Variants in GNB4 observed in about 807,000 individuals in gnomAD.
GNB4 encodes the protein guanine nucleotide-binding protein subunit beta-4.
GNB4 carries 28 observed loss-of-function variants against 45.2 expected under a neutral mutation model. That is an observed-to-expected ratio of 0.62 (90% CI 0.46 to 0.85). The LOEUF (loss-of-function observed/expected upper bound fraction) is 0.85, where lower values mean the gene tolerates loss of function less well. Among genes scored for constraint, GNB4 ranks in the 40% least tolerant of loss-of-function variants. The pLI is 0.00. For missense variants in GNB4, 321 were observed against 425.4 expected, an observed-to-expected ratio of 0.75 and a Z score of 2.16; for synonymous variants, 132 against 143.7, an observed-to-expected ratio of 0.92 and a Z score of 0.58.
chr3:179,402,567 GT>G (rs1160565150), intron 9 of GNB4, among the ~76,000 whole-genome samples: 1 of 152,182 alleles, frequency 6.6e-6, no homozygotes, highest in East Asian at 1.9e-4. Flanking sequence ...CATAGCGGGG[GT>G]TAAAAGGGTA....
the GNB4 span, among the ~76,000 whole-genome samples, chr3:179,522,058 T>A: frequency 1.3e-5 from 2 of 152,178 alleles, no homozygotes; most frequent in Non-Finnish European, 2.9e-5. Context: ...CTTATTTTTC[T>A]TATTAATATA....
chr3:179,403,936 A>C (rs1001021227), intron 9 of GNB4, among the ~76,000 whole-genome samples: 2 of 152,302 alleles, frequency 1.3e-5, no homozygotes, highest in Non-Finnish European at 2.9e-5. Context: ...ATAATAGAGA[A>C]GAAATAAAAT....
intron 1 of GNB4, among the ~76,000 whole-genome samples, chr3:179,427,413 T>C (rs995612886): frequency 3.3e-5 from 5 of 151,998 alleles, no homozygotes; most frequent in Non-Finnish European, 5.9e-5. Flanking sequence ...AAGACCAGCC[T>C]GGGCAACATG....
intron 1 of GNB4, among the ~76,000 whole-genome samples, chr3:179,439,868 T>C (rs1012894283): frequency 2.0e-5 from 3 of 152,252 alleles, no homozygotes; most frequent in African/African-American, 4.8e-5. Flanking sequence ...ATCCTTAACT[T>C]TGGCAAATAA....
intron 1 of GNB4, among the ~76,000 whole-genome samples, chr3:179,430,750 C>A (rs929481078): frequency 6.6e-6 from 1 of 151,886 alleles, no homozygotes; most frequent in Non-Finnish European, 1.5e-5. Flanking sequence ...AGCCACCATG[C>A]CCAGCCCCTC....
intron 1 of GNB4, among the ~76,000 whole-genome samples, chr3:179,430,071 G>GAGACAGAGAGAC (rs1715263458): frequency 1.4e-5 from 2 of 142,364 alleles, no homozygotes; most frequent in Non-Finnish European, 3.1e-5. Context: ...GACTGAGAGA[G>GAGACAGAGAGAC]AGACAGACAG....
upstream of GNB4, among the ~76,000 whole-genome samples, chr3:179,454,745 T>C (rs1357654790): frequency 6.6e-6 from 1 of 152,222 alleles, no homozygotes; most frequent in Non-Finnish European, 1.5e-5. Flanking sequence ...CCTGTATGTG[T>C]TGTATGCATT....
At chr3:179,427,983 G>C (rs60754049) in intron 1 of GNB4, among the ~76,000 whole-genome samples, 2,843 of 152,176 alleles carry the variant, frequency 0.019, 85 homozygotes, top group African/African-American at 0.065. Flanking sequence ...CGAAATGACT[G>C]TCCTAAGTCC....
At chr3:179,500,697 G>T in the GNB4 span, among the ~76,000 whole-genome samples, 1 of 152,138 alleles carries the variant, frequency 6.6e-6, no homozygotes, top group African/African-American at 2.4e-5. Flanking sequence ...TCACAATATT[G>T]ATTCTTCATA....
intron 1 of GNB4, 199 bp downstream of exon 1, chr3:179,451,147 G>A (rs1159452201): frequency 6.6e-6 from 1 of 152,030 alleles, no homozygotes; most frequent in African/African-American, 2.4e-5. Context: ...GTGGCAGCTG[G>A]GCGCGACACA....
chr3:179,403,486 A>G (rs1714367382), intron 9 of GNB4, among the ~76,000 whole-genome samples: 1 of 152,138 alleles, frequency 6.6e-6, no homozygotes, highest in Admixed American at 6.5e-5. Flanking sequence ...AAAGATGGAA[A>G]ATAAAAAATA....
intron 1 of GNB4, among the ~76,000 whole-genome samples, chr3:179,432,699 GT>G (rs1434657721): frequency 3.9e-5 from 6 of 152,302 alleles, no homozygotes; most frequent in African/African-American, 1.4e-4. Flanking sequence ...GTATAGTTTA[GT>G]AAGTAGCTCC....
At chr3:179,436,605 T>TA (rs1207727805) in intron 1 of GNB4, among the ~76,000 whole-genome samples, 3 of 152,166 alleles carry the variant, frequency 2.0e-5, no homozygotes, top group Non-Finnish European at 2.9e-5. Context: ...GATTTTTTTT[T>TA]AACTAAGAAA....
the GNB4 span, among the ~76,000 whole-genome samples, chr3:179,522,404 C>T: frequency 3.9e-5 from 6 of 152,114 alleles, no homozygotes; most frequent in Non-Finnish European, 7.3e-5. Context: ...GGACTCAGCC[C>T]GCCTGCACCC....
At chr3:179,517,492 G>A in the GNB4 span, among the ~76,000 whole-genome samples, 7 of 152,064 alleles carry the variant, frequency 4.6e-5, no homozygotes, top group African/African-American at 1.7e-4. Context: ...TTTTGGTGCC[G>A]TGACTCGGAT....
chr3:179,416,570 C>T lies in GNB4; in HGVS notation c.204-14G>A. ...CTGACTAGCAGCCTAGAGGAACAAACACAAAAATAATTTGACACTTAGAGG... is the reference window on the plus strand; with the variant it reads ...CTGACTAGCAGCCTAGAGGAACAAATACAAAAATAATTTGACACTTAGAGG... On this transcript the variant is annotated splice_polypyrimidine_tract_variant and intron_variant, in intron 4 of 9. Coordinates refer to ENST00000232564, the MANE Select transcript of GNB4 (RefSeq NM_021629.4). 6.4e-7 allele frequency: 1 copy of T among 1,561,516 alleles called. No homozygotes were observed. Among genetic ancestry groups the T allele is most frequent in the Non-Finnish European group, 8.7e-7 (1 of 1,148,728 alleles).
the GNB4 span, among the ~76,000 whole-genome samples, chr3:179,527,666 C>G: frequency 6.6e-6 from 1 of 152,150 alleles, no homozygotes; most frequent in Admixed American, 6.5e-5. Flanking sequence ...ATACAAATTT[C>G]AAAAAGTTAA....
chr3:179,423,295 A>G (rs1577032863), intron 2 of GNB4, among the ~76,000 whole-genome samples: 1 of 152,194 alleles, frequency 6.6e-6, no homozygotes, highest in Non-Finnish European at 1.5e-5. Context: ...GCAAATATGC[A>G]CAAGAACTAC....
At chr3:179,520,537 G>C in the GNB4 span, among the ~76,000 whole-genome samples, 17 of 152,168 alleles carry the variant, frequency 1.1e-4, no homozygotes, top group South Asian at 1.7e-3. Flanking sequence ...ACTTTTAGAG[G>C]CCCTCAAAAT....
Sources: gnomAD v4.1 joint callset for allele counts (sites outside exome capture counted in the v4.1 genomes callset) on GRCh38, gnomAD v4.1.1 for gene constraint, MANE v1.5 for transcripts, NCBI Gene and HGNC (gene_info 2026-07-23, HGNC 2026-07-21) for gene names.